Variants in IRAG2 observed in about 807,000 individuals in gnomAD.
The protein encoded by IRAG2 is lymphoid restricted membrane protein.
A neutral mutation model predicts 69.9 loss-of-function variants in IRAG2; 45 were observed. The ratio of observed to expected loss-of-function variants is 0.64; its 90% CI spans 0.51 to 0.83. The LOEUF (loss-of-function observed/expected upper bound fraction) is 0.83. Ranked by LOEUF, IRAG2 falls within the 40% of genes least tolerant of loss-of-function variation. The pLI is 0.00. For synonymous variants in IRAG2, 193 were observed against 202.4 expected (o/e 0.95, Z 0.40); for missense variants, 520 against 587.0 (o/e 0.89, Z 1.18).
At chr12:25,042,250 C>G (rs1295133375) in intron 16 of IRAG2, among the ~76,000 whole-genome samples, 1 of 146,796 alleles carries the variant, frequency 6.8e-6, no homozygotes, top group Non-Finnish European at 1.5e-5. Flanking sequence ...ATCTGAAAAC[C>G]AGGTAAATGG....
At chr12:25,104,127 G>T in intron 19 of IRAG2, 69 bp downstream of exon 19, 1 of 1,303,980 alleles carries the variant, frequency 7.7e-7, no homozygotes, top group Non-Finnish European at 1.1e-6. Flanking sequence ...CTAAATGAGT[G>T]CTCAAATTAA....
chr12:25,029,404 G>T (rs1366753068), intron 9 of IRAG2, among the ~76,000 whole-genome samples: 1 of 152,168 alleles, frequency 6.6e-6, no homozygotes, highest in East Asian at 1.9e-4. Context: ...CTACTAAATG[G>T]ATGTGATGTT....
At chr12:25,020,452 T>A (rs1308899577) in intron 6 of IRAG2, among the ~76,000 whole-genome samples, 4 of 152,218 alleles carry the variant, frequency 2.6e-5, no homozygotes, top group African/African-American at 9.6e-5. Flanking sequence ...AATTAATATT[T>A]GTGGAACTGC....
intron 13 of IRAG2, 24 bp from the exon 14 acceptor site, chr12:25,090,033 A>G: frequency 6.2e-7 from 1 of 1,610,518 alleles, no homozygotes; most frequent in Non-Finnish European, 8.5e-7. Context: ...CCTCTTCCTC[A>G]CCCTCACATT....
intron 4 of IRAG2, among the ~76,000 whole-genome samples, chr12:25,065,299 G>A (rs1945904571): frequency 1.3e-5 from 2 of 152,160 alleles, no homozygotes; most frequent in African/African-American, 4.8e-5. Context: ...AGCAAACTGA[G>A]GCTCAGAGTG....
intron 9 of IRAG2, among the ~76,000 whole-genome samples, chr12:25,083,015 G>A (rs1947330826): frequency 6.6e-6 from 1 of 151,928 alleles, no homozygotes; most frequent in Non-Finnish European, 1.5e-5. Context: ...CATATTTTTT[G>A]TTATCAGCCT....
chr12:25,000,938 A>G (rs896692589), upstream of IRAG2, among the ~76,000 whole-genome samples: 2 of 152,332 alleles, frequency 1.3e-5, no homozygotes, highest in African/African-American at 4.8e-5. Context: ...CCTTTCTACC[A>G]GGATCGAAAA....
intron 6 of IRAG2, among the ~76,000 whole-genome samples, chr12:25,020,222 C>T (rs1367280814): frequency 6.6e-6 from 1 of 152,162 alleles, no homozygotes; most frequent in Non-Finnish European, 1.5e-5. Flanking sequence ...TAATCAGTTT[C>T]CTGTTGGTGG....
Position 25,108,011 on chromosome 12 carries a change from T to A in IRAG2, c.1451T>A (p.Ile484Asn), listed in dbSNP as rs1003788898. 3 of 1,614,106 alleles carry A rather than the reference T, an allele frequency of 1.9e-6. No individual in the cohort carries two copies. The highest frequency in any genetic ancestry group is 2.5e-6 in the Non-Finnish European group (3 of 1,180,008). ...QEDSWTSLEH[I>N]LWPFTRLRHN... is the part of the protein sequence containing the mutation. ...GACTCATGGACGTCTCTAGAACATATCTTGTGGCCATTTACCAGACTCCGA... is the reference window on the plus strand; with the variant it reads ...GACTCATGGACGTCTCTAGAACATAACTTGTGGCCATTTACCAGACTCCGA... Residue 484 changes from isoleucine to asparagine, a missense_variant, in exon 22 of 22, where the codon ATC (isoleucine) becomes AAC (asparagine). Physicochemically the swap from Ile to Asn is moderately radical, Grantham distance 149. Transcript: ENST00000556887.
At chr12:25,045,457 A>G (rs1411343373) in intron 16 of IRAG2, among the ~76,000 whole-genome samples, 3 of 152,040 alleles carry the variant, frequency 2.0e-5, no homozygotes, top group Non-Finnish European at 4.4e-5. Flanking sequence ...AAACTAAGAG[A>G]TGGATTTTTG....
chr12:25,085,660 A>T (rs769889248), intron 10 of IRAG2, among the ~76,000 whole-genome samples: 5 of 144,638 alleles, frequency 3.5e-5, no homozygotes, highest in Non-Finnish European at 7.4e-5. Flanking sequence ...GTTCTCACTT[A>T]GGTCTGCAGG....
intron 2 of IRAG2, among the ~76,000 whole-genome samples, chr12:25,010,042 A>G (rs1007252291): frequency 6.6e-6 from 1 of 152,242 alleles, no homozygotes; most frequent in African/African-American, 2.4e-5. Context: ...GTAGGTACCC[A>G]TTGATACATG....
At chr12:25,089,518 A>C (rs1048133117) in intron 11 of IRAG2, 96 bp from the exon 12 acceptor site, 1 of 682,306 alleles carries the variant, frequency 1.5e-6, no homozygotes, top group African/African-American at 1.8e-5. Context: ...TATTTAAATG[A>C]AATACTTTTG....
intron 9 of IRAG2, among the ~76,000 whole-genome samples, chr12:25,080,965 G>T (rs1212672518): frequency 6.6e-6 from 1 of 152,096 alleles, no homozygotes; most frequent in Non-Finnish European, 1.5e-5. Flanking sequence ...ATTCACTGGG[G>T]CTACATTCCA....
rs535838230 is a variant in IRAG2 at position 25,061,987 on chromosome 12, A to G, written c.-385+334A>G. Reference sequence around the variant, plus strand: ...TCTGATAGTAAGGGCATATCATTCAATTTATAATATGCTGAAATTTTGAGT... The same window carrying G: ...TCTGATAGTAAGGGCATATCATTCAGTTTATAATATGCTGAAATTTTGAGT... On this transcript the variant is annotated intron_variant, in intron 2 of 21. Coordinates refer to ENST00000556887, the MANE Select transcript of IRAG2 (RefSeq NM_001366544.2). Among the ~76,000 whole-genome samples the G allele has an allele frequency of 4.0e-4, 61 of 152,284 alleles. No homozygotes were observed. The South Asian group carries it at 5.2e-3, about 13-fold the overall frequency.
intron 7 of IRAG2, among the ~76,000 whole-genome samples, chr12:25,022,839 AG>A (rs1944592048): frequency 6.6e-6 from 1 of 152,222 alleles, no homozygotes; most frequent in Non-Finnish European, 1.5e-5. Flanking sequence ...AAAAAATGGT[AG>A]GGCCACCGGG....
In IRAG2 at chr12:25,011,460, A is replaced by C. The variant is rs983600684; in HGVS notation, c.805A>C (p.Met269Leu). 92 of 1,231,588 alleles carry C rather than the reference A, an allele frequency of 7.5e-5. 1 individual carries two copies. The South Asian group carries it at 1.4e-3, about 19-fold the overall frequency. The allele number at this position is 1,231,588 out of a possible 1,614,324, so 76.3% of individuals were successfully genotyped here. The change falls in exon 3 of 39, where the codon ATG becomes CTG. Residue 269 changes from methionine to leucine, a missense_variant. Coordinates refer to the IRAG2 transcript ENST00000636465. ...CAGTGGCCTTGAGCAGTTGTGGAAC[A>C]TGCTTGATCCTGAGAAGAGAGACCC...
At chr12:25,104,211 T>G (rs1948907701) in intron 19 of IRAG2, 150 bp from the exon 20 acceptor site, 2 of 857,520 alleles carry the variant, frequency 2.3e-6, no homozygotes, top group African/African-American at 3.5e-5. Flanking sequence ...ATTATGAAGT[T>G]TTTTATCATA....
In IRAG2 at chr12:25,107,054, A is replaced by G. The variant is rs916388513; in HGVS notation, c.1256+4A>G. ...CAAAGTGGGATGTCTCTTCAGTGTA[A>G]GTTATCTACTTGATAAATTCTACCA... On this transcript the variant is annotated splice_donor_region_variant and intron_variant, in intron 21 of 21. Coordinates refer to ENST00000556887, the MANE Select transcript of IRAG2 (RefSeq NM_001366544.2). The G allele has an allele frequency of 2.0e-6, 3 of 1,505,720 alleles. No individual in the cohort carries two copies. Among genetic ancestry groups the G allele is most frequent in the African/African-American group, 2.8e-5 (2 of 72,038 alleles). The allele number at this position is 1,505,720 out of a possible 1,614,324, so 93.3% of individuals were successfully genotyped here.
Sources: allele counts gnomAD v4.1 joint callset (sites outside exome capture counted in the v4.1 genomes callset), GRCh38; gene constraint gnomAD v4.1.1; transcripts MANE v1.5; gene names NCBI Gene and HGNC (gene_info 2026-07-23, HGNC 2026-07-21).